The following GGT5 variants were observed in gnomAD, a reference collection of about 807,000 sequenced individuals.
GGT5 encodes gamma-glutamyltransferase 5, also known as glutathione hydrolase 5 proenzyme.
GGT5 carries 50 observed loss-of-function variants against 58.1 expected under a neutral mutation model. The observed-to-expected ratio is 0.86, with a 90% CI of 0.69 to 1.09. GGT5 has a LOEUF of 1.09. GGT5 is among the 50% of genes least tolerant of loss of function. The probability of loss-of-function intolerance (pLI) is 0.00; values close to 1 mark genes in which losing one functional copy is unlikely to be tolerated. For missense variants in GGT5, 800 were observed against 789.4 expected, an observed-to-expected ratio of 1.01 and a Z score of -0.16; for synonymous variants, 370 against 346.1, an observed-to-expected ratio of 1.07 and a Z score of -0.77.
chr22:24,229,172 G>A (rs2047864010), intron 6 of GGT5, among the ~76,000 whole-genome samples: 2 of 152,062 alleles, frequency 1.3e-5, no homozygotes, highest in Non-Finnish European at 2.9e-5. Flanking sequence ...GGGAGGCCAA[G>A]GCAGGCAGAT....
intron 1 of GGT5, among the ~76,000 whole-genome samples, chr22:24,239,087 C>T (rs555519880): frequency 6.8e-6 from 1 of 146,424 alleles, no homozygotes; most frequent in South Asian, 2.2e-4. Flanking sequence ...CGCCTGTAAT[C>T]CCAGCACTTT....
At chr22:24,224,870 C>T in intron 11 of GGT5, 126 bp downstream of exon 11, 2 of 664,400 alleles carry the variant, frequency 3.0e-6, no homozygotes, top group Non-Finnish European at 5.3e-6. Context: ...ACTCCTATGG[C>T]CCCCAAAGTT....
intron 5 of GGT5, among the ~76,000 whole-genome samples, chr22:24,231,847 G>A (rs1360727139): frequency 6.6e-6 from 1 of 152,124 alleles, no homozygotes; most frequent in Non-Finnish European, 1.5e-5. Flanking sequence ...CCCTCTGCTG[G>A]CCCTAACCCG....
At position 24,233,865 on chromosome 22, in the gene GGT5, T is replaced by TG; in HGVS notation, c.304+8dup. ...CATCTTCCCCATGGCAGTTCACATG[T>TG]GGGCCCACCTGTTGTCACATTGTAG... On this transcript the variant is annotated intron_variant, in intron 2 of 11. Coordinates refer to ENST00000327365, the MANE Select transcript of GGT5 (RefSeq NM_004121.5). The TG allele has an allele frequency of 6.2e-7, 1 of 1,612,822 alleles. No homozygotes were observed. The highest frequency in any genetic ancestry group is 8.5e-7 in the Non-Finnish European group (1 of 1,178,842).
chr22:24,237,875 C>T (rs1343051073), intron 1 of GGT5, among the ~76,000 whole-genome samples: 1 of 152,114 alleles, frequency 6.6e-6, no homozygotes, highest in Admixed American at 6.6e-5. Flanking sequence ...AAAATAAGTA[C>T]TTTGTATCTA....
At position 24,225,528 on chromosome 22, in the gene GGT5, G is replaced by C. The variant is rs756452604; in HGVS notation, c.1336+18C>G. ...TGGGGGGCCCTTGTGGACCCCGGGT[G>C]GGAAGCTTTGTTCTCACCAGGTGAG... On this transcript the variant is annotated intron_variant, in intron 9 of 11. Coordinates refer to ENST00000327365, the MANE Select transcript of GGT5 (RefSeq NM_004121.5). 1 of 1,595,480 alleles carries C rather than the reference G, an allele frequency of 6.3e-7. No homozygotes were observed. The highest frequency in any genetic ancestry group is 8.6e-7 in the Non-Finnish European group (1 of 1,163,296).
In GGT5 at chr22:24,225,024, C is replaced by T. The variant is rs1455786665; in HGVS notation, c.1586G>A (p.Cys529Tyr). ...GCTGAAGTTGGGCTCGTACTCCACA[C>T]AGCCCTTGCTGTTGACATGCAGGAT... ...APILHVNSKG[C>Y]VEYEPNFSQE... Residue 529 changes from cysteine to tyrosine, a missense_variant, in exon 11 of 12, where the codon TGT (cysteine) becomes TAT (tyrosine). Coordinates refer to ENST00000327365, the MANE Select transcript of GGT5 (RefSeq NM_004121.5). 1.3e-6 allele frequency: 2 copies of T among 1,598,136 alleles called. No individual in the cohort carries two copies. The highest frequency in any genetic ancestry group is 1.7e-5 in the Admixed American group (1 of 57,988).
In GGT5 at chr22:24,229,264, AGTTGT is replaced by A. The variant is rs2047866765; in HGVS notation, c.901+2115_901+2119del. On this transcript the variant is annotated intron_variant, in intron 6 of 11. Transcript: ENST00000327365. ...ACTAATAATACAAAAAAAAAAAATT[AGTTGT>A]GGTGGCAGGCGCCTGTAATCCCAGC... 4.7e-5 allele frequency among the ~76,000 whole-genome samples: 7 copies of A among 149,760 alleles called. No homozygotes were observed. The South Asian group carries it at 1.3e-3, about 27-fold the overall frequency.
rs8141879 is a variant in GGT5, at chr22:24,233,827, G to A, written c.304+47C>T. ...TGGCTGGAGAAGGGGTTACGCAGTG[G>A]TGTGGACAAGCCCATCTTCCCCATG... On this transcript the variant is annotated intron_variant, in intron 2 of 11. Coordinates refer to ENST00000327365, the MANE Select transcript of GGT5 (RefSeq NM_004121.5). 689 of 1,571,104 alleles carry A rather than the reference G, an allele frequency of 4.4e-4. 3 individuals are homozygous for A. In the African/African-American group the frequency reaches 8.3e-3, roughly 19 times the overall value.
Position 24,232,558 on chromosome 22 carries a change from C to CCGGGGCCCCAGGGCGGGTGG in GGT5, c.596+245_596+264dup, listed in dbSNP as rs551112611. Reference sequence around the variant, plus strand: ...CATGCCAGAGAGAGGAAGAAGGAGGCCGGGGCCCCAGGGCGGGTGGCAGAG... The same window carrying CCGGGGCCCCAGGGCGGGTGG: ...CATGCCAGAGAGAGGAAGAAGGAGGCCGGGGCCCCAGGGCGGGTGGCGGGGCCCCAGGGCGGGTGGCAGAG... On this transcript the variant is annotated intron_variant, in intron 4 of 11. Coordinates refer to ENST00000327365, the MANE Select transcript of GGT5 (RefSeq NM_004121.5). Among the ~76,000 whole-genome samples, 666 of 152,224 alleles carry CCGGGGCCCCAGGGCGGGTGG rather than the reference C, an allele frequency of 4.4e-3. 8 individuals are homozygous for CCGGGGCCCCAGGGCGGGTGG. Among genetic ancestry groups the CCGGGGCCCCAGGGCGGGTGG allele is most frequent in the African/African-American group, 0.015 (621 of 41,532 alleles).
intron 1 of GGT5, among the ~76,000 whole-genome samples, chr22:24,238,882 T>TA (rs1569372124): frequency 3.1e-4 from 3 of 9,608 alleles, no homozygotes; most frequent in African/African-American, 1.4e-3. Context: ...ATAATATATA[T>TA]TATATATTTT....
intron 5 of GGT5, 108 bp from the exon 6 acceptor site, chr22:24,231,638 G>A (rs2047945248): frequency 1.7e-6 from 2 of 1,146,954 alleles, no homozygotes; most frequent in Admixed American, 2.1e-5. Context: ...CTTTTGCCTT[G>A]TGGACACAGG....
At chr22:24,241,534 T>C (rs1351601779) in intron 1 of GGT5, 1 of 152,180 alleles carries the variant, frequency 6.6e-6, no homozygotes, top group African/African-American at 2.4e-5. Flanking sequence ...CATATTATGG[T>C]GGGTAATCTG....
intron 4 of GGT5, 21 bp downstream of exon 4, chr22:24,232,802 G>A: frequency 6.8e-7 from 1 of 1,466,110 alleles, no homozygotes; most frequent in African/African-American, 1.4e-5. Flanking sequence ...CAGGAACCCA[G>A]GGCCACCATG....
chr22:24,219,990 C>A lies in GGT5; in HGVS notation c.1741G>T (p.Gly581Trp), dbSNP rs2047540971. The change falls in exon 12 of 12, where the codon GGG (glycine) becomes TGG (tryptophan). Residue 581 changes from glycine to tryptophan, a missense_variant. Coordinates refer to ENST00000327365, the MANE Select transcript of GGT5 (RefSeq NM_004121.5). ...GTGTCTTAGTAGCCTGCGGCCTCCC[C>A]ACTCTTCCTCAGGTCCGAGACGGCG... Reference protein sequence around the residue: ...VYAVSDLRKSGEAAGY With the variant: ...VYAVSDLRKSWEAAGY The A allele has an allele frequency of 3.1e-6, 5 of 1,614,034 alleles. No homozygotes were observed. The highest frequency in any genetic ancestry group is 1.3e-5 in the African/African-American group (1 of 74,944).
chr22:24,228,248 T>G (rs2047835529), intron 6 of GGT5, among the ~76,000 whole-genome samples: 1 of 150,642 alleles, frequency 6.6e-6, no homozygotes, highest in African/African-American at 2.4e-5. Flanking sequence ...GCAGTGAGCC[T>G]TGACAGTGCC....
At chr22:24,220,676 A>T (rs1428783400) in intron 11 of GGT5, 1 of 455,360 alleles carries the variant, frequency 2.2e-6, no homozygotes, top group Non-Finnish European at 4.4e-6. Flanking sequence ...TGGCAGGATC[A>T]CTTGAGGCCA....
At chr22:24,224,349 G>A (rs1365757324) in intron 11 of GGT5, among the ~76,000 whole-genome samples, 12 of 151,498 alleles carry the variant, frequency 7.9e-5, no homozygotes. Context: ...CTGTTTCTAC[G>A]AAAAACAAAA....
At chr22:24,221,544 G>A (rs1000229856) in intron 11 of GGT5, among the ~76,000 whole-genome samples, 1 of 152,114 alleles carries the variant, frequency 6.6e-6, no homozygotes, top group African/African-American at 2.4e-5. Flanking sequence ...ATGGAGTCCC[G>A]CTCTGTCACC....
Sources: gnomAD v4.1 joint callset for allele counts (sites outside exome capture counted in the v4.1 genomes callset) on GRCh38, gnomAD v4.1.1 for gene constraint, MANE v1.5 for transcripts, NCBI Gene and HGNC (gene_info 2026-07-23, HGNC 2026-07-21) for gene names.